The following OR10A3 variants were observed in gnomAD, a reference collection of about 807,000 sequenced individuals.
OR10A3 encodes the protein olfactory receptor family 10 subfamily A member 3.
A neutral mutation model predicts 1.5 loss-of-function variants in OR10A3; 1 was observed. That is an observed-to-expected ratio of 0.66 (90% CI 0.23 to 3.11). The LOEUF is 3.11. Among genes scored for constraint, OR10A3 ranks in the 30% most tolerant of loss-of-function variants. OR10A3 has a pLI of 0.21. For synonymous variants in OR10A3, 145 were observed against 143.7 expected (o/e 1.01, Z -0.06); for missense variants, 398 against 369.7 (o/e 1.08, Z -0.63).
At chr11:7,940,185 A>G (rs1284168640) in intron 1 of OR10A3, among the ~76,000 whole-genome samples, 1 of 152,200 alleles carries the variant, frequency 6.6e-6, no homozygotes, top group Non-Finnish European at 1.5e-5. Context: ...TGAAGGGAAC[A>G]TGGAGTAGTG....
chr11:7,939,425 T>C lies in OR10A3; in HGVS notation c.96A>G (p.Leu32=), dbSNP rs1941407072. Residue 32 remains leucine (L), a synonymous_variant, in exon 2 of 2, where the codon CTA becomes CTG. Transcript: ENST00000642047. Reference sequence around the variant, plus strand: ...CCATCAGGGTCACCACATAAATAACTAGGAAAACCCCAAAGAGCTGCACCT... The same window carrying C: ...CCATCAGGGTCACCACATAAATAACCAGGAAAACCCCAAAGAGCTGCACCT... The part of the protein sequence containing the change: ...ELQVQLFGVF[L]VIYVVTLMGN... 1.2e-6 allele frequency: 2 copies of C among 1,613,678 alleles called. No homozygotes were observed. The highest frequency in any genetic ancestry group is 4.5e-5 in the East Asian group (2 of 44,868).
In OR10A3 at chr11:7,939,536, T is replaced by C; in HGVS notation, c.-16A>G. 1 of 1,528,668 alleles carries C rather than the reference T, an allele frequency of 6.5e-7. No individual in the cohort carries two copies. Among genetic ancestry groups the C allele is most frequent in the Admixed American group, 2.2e-5 (1 of 45,454 alleles). The allele number at this position is 1,528,668 out of a possible 1,614,324, so 94.7% of individuals were successfully genotyped here. A position where few individuals can be genotyped will look rare whatever the true frequency, so the allele number is the denominator to read the frequency against. ...GTCTTTTCATTTCAGTAGTTGAAAC[T>C]TATATTGTTTTTATGGACCTGGTAT... On this transcript the variant is annotated 5_prime_UTR_variant, in exon 2 of 2. The change abolishes the stop of an existing upstream ORF in the 5' untranslated region. Coordinates refer to ENST00000642047, the MANE Select transcript of OR10A3 (RefSeq NM_001003745.2).
chr11:7,940,656 C>G (rs1941429643), intron 1 of OR10A3, among the ~76,000 whole-genome samples: 1 of 151,228 alleles, frequency 6.6e-6, no homozygotes, highest in Admixed American at 6.6e-5. Flanking sequence ...TTAAGGGGAA[C>G]TAGAGTGATA....
At chr11:7,940,290 C>T (rs538958954) in intron 1 of OR10A3, among the ~76,000 whole-genome samples, 3 of 152,264 alleles carry the variant, frequency 2.0e-5, no homozygotes, top group East Asian at 3.9e-4. Context: ...AATCCAACTG[C>T]CCCTCCAGAG....
chr11:7,940,192 AGTG>A (rs1243217262), intron 1 of OR10A3, among the ~76,000 whole-genome samples: 1 of 152,190 alleles, frequency 6.6e-6, no homozygotes, highest in African/African-American at 2.4e-5. Flanking sequence ...AACATGGAGT[AGTG>A]GTGGGTGGGC....
rs267603214 is a variant in OR10A3, at chr11:7,939,086, T to C, written c.435A>G (p.Val145=). 6.2e-7 allele frequency: 1 copy of C among 1,613,946 alleles called. No homozygotes were observed. Among genetic ancestry groups the C allele is most frequent in the Non-Finnish European group, 8.5e-7 (1 of 1,179,984 alleles). Residue 145 remains valine, a synonymous_variant, in exon 2 of 2, where the codon GTA becomes GTG. Coordinates refer to ENST00000642047, the MANE Select transcript of OR10A3 (RefSeq NM_001003745.2). ...TGATCCCTGAGATCCATGAGAATATTACTAATTTCATAAAAACCCCTCTGT... is the reference window on the plus strand; with the variant it reads ...TGATCCCTGAGATCCATGAGAATATCACTAATTTCATAAAAACCCCTCTGT... ...IMNRGVFMKL[V]IFSWISGIMV...
Position 7,939,272 on chromosome 11 carries a change from C to T in OR10A3, c.249G>A (p.Val83=), listed in dbSNP as rs143714255. 160 of 1,614,110 alleles carry T rather than the reference C, an allele frequency of 9.9e-5. No homozygotes were observed. The Middle Eastern group carries it at 2.1e-3, about 22-fold the overall frequency. ...TCATAGTTTTCTCAGTAGAGAGCAC[C>T]ACCAGCATTTCAGGCGTAATGACTG... is the stretch of plus-strand genomic sequence containing the variant. ...FSAVITPEML[V]VLSTEKTMIS... Residue 83 remains valine, a synonymous_variant, in exon 2 of 2, where the codon GTG becomes GTA. Transcript: ENST00000642047.
chr11:7,939,668 G>T lies in OR10A3; in HGVS notation c.-148C>A. The stretch of plus-strand genomic sequence containing the variant: ...GACAGAACTTCAGGTTGGCACTTTT[G>T]AAGAATGGCCAATGACTTGTAATAG... On this transcript the variant is annotated 5_prime_UTR_variant, in exon 2 of 2. Coordinates refer to ENST00000642047, the MANE Select transcript of OR10A3 (RefSeq NM_001003745.2). The T allele has an allele frequency of 1.8e-6, 1 of 551,006 alleles. No individual in the cohort carries two copies. Among genetic ancestry groups the T allele is most frequent in the Non-Finnish European group, 3.1e-6 (1 of 320,628 alleles). 34.1% of individuals were successfully genotyped at this position (551,006 alleles called of 1,614,324 possible).
chr11:7,939,618 G>A lies in OR10A3; in HGVS notation c.-98C>T. The stretch of plus-strand genomic sequence containing the variant: ...GAGTTCAAGTCTGGAATTCTTGACA[G>A]CAGATGTAATGACAAGCTCATTTTG... On this transcript the variant is annotated 5_prime_UTR_variant, in exon 2 of 2. Transcript: ENST00000642047. 3.3e-6 allele frequency: 3 copies of A among 919,342 alleles called. No individual in the cohort carries two copies. Among genetic ancestry groups the A allele is most frequent in the Non-Finnish European group, 4.8e-6 (3 of 631,508 alleles). 56.9% of individuals were successfully genotyped at this position (919,342 alleles called of 1,614,324 possible).
chr11:7,940,278 C>T (rs1941425105), intron 1 of OR10A3, among the ~76,000 whole-genome samples: 1 of 152,090 alleles, frequency 6.6e-6, no homozygotes, highest in Non-Finnish European at 1.5e-5. Context: ...CATTTTCTTC[C>T]CAATCCAACT....
rs917230092 is a variant in OR10A3 at position 7,939,674 on chromosome 11, T to C, written c.-154A>G. 5 of 545,910 alleles carry C rather than the reference T, an allele frequency of 9.2e-6. No homozygotes were observed. Among genetic ancestry groups the C allele is most frequent in the African/African-American group, 1.9e-5 (1 of 53,036 alleles). 33.8% of individuals were successfully genotyped at this position (545,910 alleles called of 1,614,324 possible). On this transcript the variant is annotated 5_prime_UTR_variant, in exon 2 of 2. Coordinates refer to ENST00000642047, the MANE Select transcript of OR10A3 (RefSeq NM_001003745.2). ...ACTTCAGGTTGGCACTTTTGAAGAA[T>C]GGCCAATGACTTGTAATAGTGAATC...
In OR10A3 at chr11:7,938,977, G is replaced by C; in HGVS notation, c.544C>G (p.Pro182Ala). The C allele has an allele frequency of 6.2e-7, 1 of 1,614,156 alleles. No individual in the cohort carries two copies. Among genetic ancestry groups the C allele is most frequent in the Admixed American group, 1.7e-5 (1 of 60,024 alleles). The change falls in exon 2 of 2, where the codon CCC (proline) becomes GCC (alanine). Residue 182 changes from proline to alanine, a missense_variant. Physicochemically the swap from Pro to Ala is conservative, Grantham distance 27 (BLOSUM62 -1). Coordinates refer to ENST00000642047, the MANE Select transcript of OR10A3 (RefSeq NM_001003745.2). Reference sequence around the variant, plus strand: ...GCACACACAAGCTCTAGTACCGGGGGAGTCTCACAGAAGAGATGATTAATT... The same window carrying C: ...GCACACACAAGCTCTAGTACCGGGGCAGTCTCACAGAAGAGATGATTAATT... Reference protein sequence around the residue: ...NEINHLFCETPPVLELVCADT... With the variant: ...NEINHLFCETAPVLELVCADT...
intron 1 of OR10A3, among the ~76,000 whole-genome samples, chr11:7,940,426 C>G (rs1249304831): frequency 6.6e-6 from 1 of 152,126 alleles, no homozygotes; most frequent in Non-Finnish European, 1.5e-5. Context: ...CCTGGCCTCA[C>G]GAGTCCATCC....
In OR10A3 at chr11:7,939,237, A is replaced by C; in HGVS notation, c.284T>G (p.Val95Gly). 6.2e-7 allele frequency: 1 copy of C among 1,614,262 alleles called. No homozygotes were observed. Among genetic ancestry groups the C allele is most frequent in the Admixed American group, 1.7e-5 (1 of 60,034 alleles). The change falls in exon 2 of 2, where the codon GTG (valine) becomes GGG (glycine). Residue 95 changes from valine (V) to glycine (G), a missense_variant. Physicochemically the swap from Val to Gly is moderately radical, Grantham distance 109 (BLOSUM62 -3). Transcript: ENST00000642047. The stretch of plus-strand genomic sequence containing the variant: ...GAAATACATCTGTGCAAAACAGCCC[A>C]CAAAAGAAATCATAGTTTTCTCAGT... ...LSTEKTMISF[V>G]GCFAQMYFIL...
rs1322527474 is a variant in OR10A3 at position 7,938,848 on chromosome 11, T to A, written c.673A>T (p.Ile225Phe). 12 of 1,614,040 alleles carry A rather than the reference T, an allele frequency of 7.4e-6. No homozygotes were observed. Among genetic ancestry groups the A allele is most frequent in the Non-Finnish European group, 9.3e-6 (11 of 1,180,036 alleles). The change falls in exon 2 of 2, where the codon ATC (isoleucine) becomes TTC (phenylalanine). Residue 225 changes from isoleucine to phenylalanine, a missense_variant. Transcript: ENST00000642047. The stretch of plus-strand genomic sequence containing the variant: ...CCAGTAGTTGATGGCATCTTCAGGA[T>A]GGCAAACAGAACTCGAATGTAAGAC... Reference protein sequence around the residue: ...LLSYIRVLFAILKMPSTTGRQ... With the variant: ...LLSYIRVLFAFLKMPSTTGRQ...
In OR10A3 at chr11:7,938,990, G is replaced by A; in HGVS notation, c.531C>T (p.Leu177=). The A allele has an allele frequency of 6.2e-7, 1 of 1,614,164 alleles. No individual in the cohort carries two copies. Among genetic ancestry groups the A allele is most frequent in the Admixed American group, 1.7e-5 (1 of 60,030 alleles). ...CTAGTACCGGGGGAGTCTCACAGAA[G>A]AGATGATTAATTTCATTGGGGCCAC... ...PFCGPNEINH[L]FCETPPVLEL... is the part of the protein sequence containing the mutation. The change falls in exon 2 of 2, where the codon CTC becomes CTT. Residue 177 remains leucine (L), a synonymous_variant. Transcript: ENST00000642047.
At position 7,937,592 on chromosome 11, in the gene OR10A3, T is replaced by G. The variant is rs1039784560; in HGVS notation, c.*984A>C. 1.3e-5 allele frequency: 2 copies of G among 152,328 alleles called. No homozygotes were observed. The highest frequency in any genetic ancestry group is 1.9e-4 in the East Asian group (1 of 5,178). The allele number at this position is 152,328 out of a possible 1,614,324, so 9.4% of individuals were successfully genotyped here. On this transcript the variant is annotated 3_prime_UTR_variant, in exon 2 of 2. Transcript: ENST00000642047. ...AAATGAGAATTTGAGAAACTTCCCA[T>G]GTAGCTCTCTGGTCACCAACATTGG...
rs1301016049 is a variant in OR10A3, at chr11:7,937,250, T to A, written c.*1326A>T. The A allele has an allele frequency of 6.6e-6, 1 of 152,228 alleles. No individual in the cohort carries two copies. The highest frequency in any genetic ancestry group is 1.5e-5 in the Non-Finnish European group (1 of 68,040). The allele number at this position is 152,228 out of a possible 1,614,324, so 9.4% of individuals were successfully genotyped here. On this transcript the variant is annotated 3_prime_UTR_variant, in exon 2 of 2. Coordinates refer to ENST00000642047, the MANE Select transcript of OR10A3 (RefSeq NM_001003745.2). Reference sequence around the variant, plus strand: ...ATTCCCAAATAATATACACAAATTATAATGACACCCCTTCATTTAGCAGAA... The same window carrying A: ...ATTCCCAAATAATATACACAAATTAAAATGACACCCCTTCATTTAGCAGAA...
At chr11:7,939,774 G>T in intron 1 of OR10A3, 76 bp from the exon 2 acceptor site, 1 of 415,934 alleles carries the variant, frequency 2.4e-6, no homozygotes. Flanking sequence ...AACAGTAAAT[G>T]TTATCTGGCA....
Sources: allele counts gnomAD v4.1 joint callset (sites outside exome capture counted in the v4.1 genomes callset), GRCh38; gene constraint gnomAD v4.1.1; transcripts MANE v1.5; gene names NCBI Gene and HGNC (gene_info 2026-07-23, HGNC 2026-07-21).